Variants in CACNA2D3 observed in about 807,000 individuals in gnomAD.
The protein encoded by CACNA2D3 is calcium voltage-gated channel auxiliary subunit alpha2delta 3, also known as voltage-dependent calcium channel subunit alpha-2/delta-3.
In CACNA2D3, 60 loss-of-function variants were observed where a neutral mutation model predicts 160.6. That is an observed-to-expected ratio of 0.37 (90% CI 0.30 to 0.46). The LOEUF (loss-of-function observed/expected upper bound fraction) is 0.46. CACNA2D3 is among the 20% of genes least tolerant of loss of function. The pLI is 1.00. For synonymous variants in CACNA2D3, 558 were observed against 492.9 expected, an observed-to-expected ratio of 1.13 and a Z score of -1.75; for missense variants, 1,205 against 1,365.0, an observed-to-expected ratio of 0.88 and a Z score of 1.85.
intron 3 of CACNA2D3, among the ~76,000 whole-genome samples, chr3:54,343,072 A>C (rs1034606610): frequency 1.3e-5 from 2 of 152,240 alleles, no homozygotes; most frequent in Non-Finnish European, 2.9e-5. Flanking sequence ...CCTTTCTTCA[A>C]TAGTGAGCAG....
intron 13 of CACNA2D3, among the ~76,000 whole-genome samples, chr3:54,780,545 G>C (rs889547433): frequency 2.6e-5 from 4 of 152,210 alleles, no homozygotes; most frequent in African/African-American, 9.6e-5. Context: ...GTGAACTCCA[G>C]AGAAATTTGA....
At chr3:54,801,495 G>A (rs565172944) in intron 13 of CACNA2D3, among the ~76,000 whole-genome samples, 66 of 152,206 alleles carry the variant, frequency 4.3e-4, no homozygotes, top group African/African-American at 1.1e-3. Context: ...GTCCATTACC[G>A]TGTCATTCAT....
intron 2 of CACNA2D3, among the ~76,000 whole-genome samples, chr3:54,206,525 T>C (rs958720986): frequency 3.3e-5 from 5 of 152,192 alleles, no homozygotes; most frequent in Admixed American, 2.6e-4. Context: ...CTGAGGCATA[T>C]TGATCAGCCT....
chr3:54,311,078 A>G (rs1553618442), intron 2 of CACNA2D3, among the ~76,000 whole-genome samples: 1 of 152,164 alleles, frequency 6.6e-6, no homozygotes, highest in East Asian at 1.9e-4. Context: ...CAGTAATTCT[A>G]AGCCAAGCGG....
intron 3 of CACNA2D3, among the ~76,000 whole-genome samples, chr3:54,372,334 G>A (rs761593831): frequency 3.9e-5 from 6 of 152,184 alleles, no homozygotes; most frequent in Non-Finnish European, 8.8e-5. Context: ...GAGGGTGGGT[G>A]GCAGAGAGGG....
At chr3:54,916,356 T>C (rs1265384232) in intron 27 of CACNA2D3, among the ~76,000 whole-genome samples, 1 of 152,164 alleles carries the variant, frequency 6.6e-6, no homozygotes, top group East Asian at 1.9e-4. Flanking sequence ...AAGTAGTCAC[T>C]ACGTCCATAA....
chr3:54,542,038 A>G (rs1701988865), intron 5 of CACNA2D3, among the ~76,000 whole-genome samples: 1 of 151,312 alleles, frequency 6.6e-6, no homozygotes, highest in Non-Finnish European at 1.5e-5. Context: ...ATATATGTAT[A>G]TGTGAATGAG....
chr3:54,345,872 A>G (rs1307119670), intron 3 of CACNA2D3, among the ~76,000 whole-genome samples: 3 of 151,718 alleles, frequency 2.0e-5, no homozygotes, highest in Admixed American at 6.6e-5. Context: ...TAGAATCTGA[A>G]TCAAAGTTTT....
At chr3:54,457,741 C>T (rs1366097704) in intron 4 of CACNA2D3, among the ~76,000 whole-genome samples, 1 of 151,924 alleles carries the variant, frequency 6.6e-6, no homozygotes, top group Non-Finnish European at 1.5e-5. Flanking sequence ...TATGTGCACA[C>T]AACCATATAT....
At chr3:55,045,039 T>G (rs1704045940) in intron 35 of CACNA2D3, among the ~76,000 whole-genome samples, 1 of 152,132 alleles carries the variant, frequency 6.6e-6, no homozygotes, top group Non-Finnish European at 1.5e-5. Flanking sequence ...TAATAAGGTC[T>G]GTTGATATAT....
chr3:54,441,123 T>C (rs1174661413), intron 4 of CACNA2D3, among the ~76,000 whole-genome samples: 4 of 152,206 alleles, frequency 2.6e-5, no homozygotes, highest in African/African-American at 9.6e-5. Context: ...AGTGTTCCTA[T>C]TTCTCCACAT....
intron 29 of CACNA2D3, among the ~76,000 whole-genome samples, chr3:54,971,658 G>A (rs373567107): frequency 2.6e-5 from 4 of 152,304 alleles, no homozygotes; most frequent in African/African-American, 9.6e-5. Context: ...CACTGCCTCA[G>A]TGCATCCTTA....
intron 3 of CACNA2D3, 73 bp from the exon 4 acceptor site, chr3:54,386,642 C>G: frequency 7.3e-7 from 1 of 1,364,230 alleles, no homozygotes; most frequent in Non-Finnish European, 9.9e-7. Flanking sequence ...CACTTTTGGT[C>G]AATGGAGAAA....
intron 3 of CACNA2D3, among the ~76,000 whole-genome samples, chr3:54,379,839 A>G (rs1699070293): frequency 6.6e-6 from 1 of 152,016 alleles, no homozygotes; most frequent in African/African-American, 2.4e-5. Flanking sequence ...ATTCTTTGTC[A>G]CTTGTCCCTT....
chr3:54,962,336 T>G (rs1366329227), intron 27 of CACNA2D3, among the ~76,000 whole-genome samples: 1 of 152,126 alleles, frequency 6.6e-6, no homozygotes, highest in Non-Finnish European at 1.5e-5. Context: ...GATATAACAC[T>G]CTAAGGAACA....
chr3:54,270,028 C>T (rs570428888), intron 2 of CACNA2D3, among the ~76,000 whole-genome samples: 2 of 152,164 alleles, frequency 1.3e-5, no homozygotes, highest in South Asian at 4.1e-4. Flanking sequence ...GAAGCTGAAG[C>T]AGCTAGTCTG....
intron 35 of CACNA2D3, among the ~76,000 whole-genome samples, chr3:55,072,658 G>A (rs1451970643): frequency 2.0e-5 from 3 of 152,236 alleles, no homozygotes; most frequent in Admixed American, 6.5e-5. Context: ...GGAAGAATAT[G>A]AGATTTTGAT....
At chr3:54,789,842 G>T (rs778994918) in intron 13 of CACNA2D3, 1 of 517,274 alleles carries the variant, frequency 1.9e-6, no homozygotes. Flanking sequence ...AATGAGCTGG[G>T]GCTTGAGGGA....
chr3:54,937,309 A>G (rs1701354394), intron 27 of CACNA2D3, among the ~76,000 whole-genome samples: 1 of 152,204 alleles, frequency 6.6e-6, no homozygotes, highest in African/African-American at 2.4e-5. Flanking sequence ...CCAAATGGCC[A>G]CTACAGTGTA....
Sources: gnomAD v4.1 joint callset for allele counts (sites outside exome capture counted in the v4.1 genomes callset) on GRCh38, gnomAD v4.1.1 for gene constraint, MANE v1.5 for transcripts, NCBI Gene and HGNC (gene_info 2026-07-23, HGNC 2026-07-21) for gene names.